SPON1: variants seen among roughly 807,000 people sequenced by gnomAD.
The protein encoded by SPON1 is spondin 1, also known as spondin-1.
Under a neutral mutation model 111.7 loss-of-function variants are expected in SPON1, and 52 were observed. That is an observed-to-expected ratio of 0.47 (90% CI 0.37 to 0.59). The LOEUF (loss-of-function observed/expected upper bound fraction) is 0.59, where lower values mean the gene tolerates loss of function less well. Among genes scored for constraint, SPON1 ranks in the 20% least tolerant of loss-of-function variants. The probability of loss-of-function intolerance (pLI) is 0.00; values close to 1 mark genes in which losing one functional copy is unlikely to be tolerated. For synonymous variants in SPON1, 410 were observed against 395.8 expected (o/e 1.04, Z -0.43); for missense variants, 957 against 1,068.5 (o/e 0.90, Z 1.46).
intron 15 of SPON1, among the ~76,000 whole-genome samples, chr11:14,264,110 A>ATGATAGGTCCAAG (rs377036979): frequency 6.6e-6 from 1 of 152,124 alleles, no homozygotes; most frequent in Non-Finnish European, 1.5e-5. Context: ...GCCAAAGACC[A>ATGATAGGTCCAAG]TGATAGGTCC....
At chr11:13,990,597 A>G (rs2133786608) in intron 2 of SPON1, among the ~76,000 whole-genome samples, 1 of 151,738 alleles carries the variant, frequency 6.6e-6, no homozygotes, top group South Asian at 2.1e-4. Flanking sequence ...ATTATGTGTC[A>G]ATTTGATCCT....
At chr11:14,161,720 G>T (rs1262836425) in intron 6 of SPON1, among the ~76,000 whole-genome samples, 1 of 152,062 alleles carries the variant, frequency 6.6e-6, no homozygotes, top group African/African-American at 2.4e-5. Flanking sequence ...ATACTATATT[G>T]AAAGTAAAAA....
In SPON1 at chr11:14,259,149, C is replaced by T; in HGVS notation, c.1493-131C>T. The T allele has an allele frequency of 3.1e-6, 3 of 968,160 alleles. No individual in the cohort carries two copies. The highest frequency in any genetic ancestry group is 4.5e-6 in the Non-Finnish European group (3 of 671,600). 60.0% of individuals were successfully genotyped at this position (968,160 alleles called of 1,614,324 possible). On this transcript the variant is annotated intron_variant, in intron 11 of 15. Transcript: ENST00000576479. The surrounding 1 kb of genome is among the most constrained non-coding windows in gnomAD (Gnocchi z 5.0). ...ACTTTGCCAGTTTAAGGATTTAGAC[C>T]TCTTAGGTGTGCAGACAACCTCAAC...
chr11:13,988,225 T>C (rs1431444126), intron 2 of SPON1, among the ~76,000 whole-genome samples: 4 of 152,220 alleles, frequency 2.6e-5, no homozygotes, highest in African/African-American at 7.2e-5. Flanking sequence ...CTCTCTTTTG[T>C]CCTTGAGCAG....
chr11:13,992,584 T>C (rs1554911320), intron 2 of SPON1, among the ~76,000 whole-genome samples: 1 of 152,178 alleles, frequency 6.6e-6, no homozygotes, highest in Non-Finnish European at 1.5e-5. Context: ...GTCTCGCTGC[T>C]GTTCCAGGCA....
rs1015220007 is a variant in SPON1, at chr11:13,976,991, G to A, written c.239-5856G>A. On this transcript the variant is annotated intron_variant, in intron 1 of 15. Transcript: ENST00000576479. ...CTTGTGCCTGTCTTCTGTCACTTGA[G>A]ATTACGTTTGTGAGATTTATCCATG... is the stretch of plus-strand genomic sequence containing the variant. Among the ~76,000 whole-genome samples the A allele has an allele frequency of 9.2e-5, 14 of 152,288 alleles. No individual in the cohort carries two copies. The East Asian group carries it at 2.5e-3, about 27-fold the overall frequency.
intron 2 of SPON1, among the ~76,000 whole-genome samples, chr11:13,991,512 G>T (rs1018445176): frequency 6.6e-5 from 10 of 152,062 alleles, no homozygotes; most frequent in African/African-American, 2.4e-4. Flanking sequence ...CCTTGCATTG[G>T]GTTAGAACAT....
intron 14 of SPON1, 136 bp downstream of exon 14, chr11:14,260,888 G>T: frequency 1.1e-6 from 1 of 919,330 alleles, no homozygotes. Flanking sequence ...TTGGCTTTCA[G>T]TGTTTGCAGT....
At chr11:14,186,372 T>A (rs1486692075) in intron 6 of SPON1, among the ~76,000 whole-genome samples, 1 of 152,222 alleles carries the variant, frequency 6.6e-6, no homozygotes, top group Non-Finnish European at 1.5e-5. Context: ...ATTTTGTTTT[T>A]GGTCTTGTGG....
intron 6 of SPON1, among the ~76,000 whole-genome samples, chr11:14,159,359 A>G (rs10766161): frequency 0.39 from 59,681 of 152,008 alleles, 11,980 homozygotes; most frequent in East Asian, 0.55. Context: ...AAAATGGCTT[A>G]TATCTAAAAG....
chr11:14,099,974 C>T (rs138875073), intron 5 of SPON1, among the ~76,000 whole-genome samples: 30 of 152,168 alleles, frequency 2.0e-4, no homozygotes, highest in Admixed American at 2.6e-4. Context: ...GCGGAGGGAG[C>T]TAAGCCACTC....
chr11:14,199,348 A>G (rs1345563683), intron 6 of SPON1, among the ~76,000 whole-genome samples: 1 of 152,026 alleles, frequency 6.6e-6, no homozygotes, highest in Admixed American at 6.5e-5. Flanking sequence ...TAGGTGTTCA[A>G]TCCAGACACC....
chr11:14,025,851 G>A (rs1848514053), intron 2 of SPON1, among the ~76,000 whole-genome samples: 2 of 152,156 alleles, frequency 1.3e-5, no homozygotes, highest in Admixed American at 1.3e-4. Context: ...GGTAACAGAG[G>A]TGGACCATAG....
chr11:14,044,619 TAAAC>T (rs1189090832), intron 3 of SPON1, among the ~76,000 whole-genome samples: 5 of 152,070 alleles, frequency 3.3e-5, no homozygotes, highest in Admixed American at 6.6e-5. Flanking sequence ...CTCAAATAAA[TAAAC>T]AAACAAATAA....
chr11:14,003,886 T>C (rs540816187), intron 2 of SPON1, among the ~76,000 whole-genome samples: 1 of 152,320 alleles, frequency 6.6e-6, no homozygotes, highest in South Asian at 2.1e-4. Flanking sequence ...TTGTTCATCC[T>C]ATATAACTGT....
At chr11:14,083,193 A>G (rs1484759084) in intron 5 of SPON1, among the ~76,000 whole-genome samples, 2 of 152,234 alleles carry the variant, frequency 1.3e-5, no homozygotes, top group East Asian at 1.9e-4. Flanking sequence ...AAGAGGATCA[A>G]TGTTTTACGT....
chr11:14,012,250 G>T (rs1033796660), intron 2 of SPON1, among the ~76,000 whole-genome samples: 12 of 152,156 alleles, frequency 7.9e-5, no homozygotes, highest in Admixed American at 4.6e-4. Flanking sequence ...AAAAGTGATT[G>T]CAGCTCCAGA....
At chr11:13,991,414 T>C (rs1848229115) in intron 2 of SPON1, among the ~76,000 whole-genome samples, 1 of 152,212 alleles carries the variant, frequency 6.6e-6, no homozygotes, top group South Asian at 2.1e-4. Flanking sequence ...TACTGTATTT[T>C]TCAGCTCCAT....
At chr11:13,966,128 C>A (rs1554908023) in intron 1 of SPON1, among the ~76,000 whole-genome samples, 1 of 152,136 alleles carries the variant, frequency 6.6e-6, no homozygotes, top group Non-Finnish European at 1.5e-5. Context: ...TTTGTCTTTT[C>A]CAAGTTGTTA....
Sources: allele counts gnomAD v4.1 joint callset (sites outside exome capture counted in the v4.1 genomes callset), GRCh38; gene constraint gnomAD v4.1.1; non-coding constraint Gnocchi (gnomAD v3.1); transcripts MANE v1.5; gene names NCBI Gene and HGNC (gene_info 2026-07-23, HGNC 2026-07-21).